The following STYXL1 variants were observed in gnomAD, a reference collection of about 807,000 sequenced individuals.
STYXL1 encodes the protein serine/threonine/tyrosine interacting like 1, also known as serine/threonine/tyrosine-interacting-like protein 1.
A neutral mutation model predicts 36.4 loss-of-function variants in STYXL1; 32 were observed. That is an observed-to-expected ratio of 0.88 (90% CI 0.66 to 1.18). The LOEUF is 1.18. Ranked by LOEUF, STYXL1 falls within the 50% of genes most tolerant of loss-of-function variation. STYXL1 has a pLI of 0.00. For missense variants in STYXL1, 354 were observed against 394.1 expected, an observed-to-expected ratio of 0.90 and a Z score of 0.86; for synonymous variants, 133 against 144.1, an observed-to-expected ratio of 0.92 and a Z score of 0.55.
intron 6 of STYXL1, among the ~76,000 whole-genome samples, chr7:76,004,080 A>T (rs1405083196): frequency 1.3e-5 from 2 of 152,060 alleles, no homozygotes; most frequent in Non-Finnish European, 2.9e-5. Context: ...AGGATCACAT[A>T]GCGAGACCCT....
chr7:75,999,003 T>C (rs927935141), intron 8 of STYXL1: 14 of 152,830 alleles, frequency 9.2e-5, no homozygotes, highest in Non-Finnish European at 1.6e-4. Flanking sequence ...AATTGAGTGG[T>C]GGCAGATGCC....
At chr7:76,025,659 G>A (rs113570449) in intron 3 of STYXL1, among the ~76,000 whole-genome samples, 28,691 of 151,892 alleles carry the variant, frequency 0.19, 2,996 homozygotes, top group East Asian at 0.29. Context: ...GTGTGGTGGC[G>A]GGTGCCTGTA....
rs782681812 is a variant in STYXL1 at position 75,996,471 on chromosome 7, G to GT, written c.938dup (p.Tyr313Ter). ...DSITNIMDPLY is the reference protein window; with the variant it reads ...DSITNIMDPL ...CTTCGGTGGGCCTCGGAGAAGATCAGTAGAGCGGATCCATGATGTTTGTGA... is the reference window on the plus strand; with the variant it reads ...CTTCGGTGGGCCTCGGAGAAGATCAGTTAGAGCGGATCCATGATGTTTGTGA... Residue 313 changes from tyrosine (Y) to a stop codon, truncating the protein, a stop_gained and frameshift_variant, in exon 9 of 9, where the codon TAC (tyrosine) becomes TAAC (stop). Transcript: ENST00000359697. LOFTEE classifies it high-confidence loss of function. 1.2e-6 allele frequency: 2 copies of GT among 1,614,086 alleles called. No homozygotes were observed. The highest frequency in any genetic ancestry group is 2.7e-5 in the African/African-American group (2 of 74,932).
chr7:76,030,396 C>G lies in STYXL1; in HGVS notation c.103+25G>C, dbSNP rs368022189. 5 of 1,554,898 alleles carry G rather than the reference C, an allele frequency of 3.2e-6. No individual in the cohort carries two copies. In the African/African-American group the frequency reaches 6.8e-5, roughly 21 times the overall value. ...GTTTGAAGGACACTGTGTTTGACCT[C>G]CTCCGCTTTTTTCCAAGTACTTACC... On this transcript the variant is annotated intron_variant, in intron 2 of 8. Transcript: ENST00000359697.
chr7:76,023,588 G>GT (rs1401605069), intron 3 of STYXL1, among the ~76,000 whole-genome samples: 3 of 152,004 alleles, frequency 2.0e-5, no homozygotes, highest in Non-Finnish European at 2.9e-5. Context: ...AAAGCCGGGT[G>GT]TGGGAGGGTG....
chr7:76,039,251 G>C lies in STYXL1; in HGVS notation c.-5+8411C>G, dbSNP rs958471526. 5.4e-5 allele frequency among the ~76,000 whole-genome samples: 8 copies of C among 148,580 alleles called. 1 individual carries two copies. Among genetic ancestry groups the C allele is most frequent in the Non-Finnish European group, 8.8e-5 (6 of 67,904 alleles). Reference sequence around the variant, plus strand: ...GCACCCGGCCAACTAATTTTTTTTAGTTTCTGTAGAGTCAGGGTTCCACTA... The same window carrying C: ...GCACCCGGCCAACTAATTTTTTTTACTTTCTGTAGAGTCAGGGTTCCACTA... On this transcript the variant is annotated intron_variant, in intron 1 of 8. Coordinates refer to ENST00000359697, the MANE Select transcript of STYXL1 (RefSeq NM_001317785.2).
intron 4 of STYXL1, among the ~76,000 whole-genome samples, chr7:76,016,126 A>G (rs1793278174): frequency 6.6e-6 from 1 of 152,032 alleles, no homozygotes; most frequent in African/African-American, 2.4e-5. Context: ...ATACACACAC[A>G]TATATCTATA....
At chr7:76,021,553 T>C (rs1343810695) in intron 4 of STYXL1, among the ~76,000 whole-genome samples, 1 of 152,156 alleles carries the variant, frequency 6.6e-6, no homozygotes, top group Admixed American at 6.6e-5. Flanking sequence ...TTCCACGTCC[T>C]GATTATTTCA....
At position 76,000,872 on chromosome 7, in the gene STYXL1, G is replaced by A. The variant is rs2116743564; in HGVS notation, c.810+18C>T. On this transcript the variant is annotated intron_variant, in intron 8 of 8. Transcript: ENST00000359697. ...CAGGGGGTGGCCGTGGTGCGAGCCT[G>A]GCCCGGGGAACGCATACCTGCAAGG... 6.2e-7 allele frequency: 1 copy of A among 1,609,588 alleles called. No individual in the cohort carries two copies. The highest frequency in any genetic ancestry group is 8.5e-7 in the Non-Finnish European group (1 of 1,175,872).
At chr7:76,012,720 C>T (rs1554572550) in intron 5 of STYXL1, among the ~76,000 whole-genome samples, 1 of 151,770 alleles carries the variant, frequency 6.6e-6, no homozygotes, top group African/African-American at 2.4e-5. Context: ...TTTGTAGAGA[C>T]AAGGTCTCAC....
chr7:76,020,990 C>A (rs1023852153), intron 4 of STYXL1, among the ~76,000 whole-genome samples: 8 of 152,186 alleles, frequency 5.3e-5, no homozygotes, highest in Non-Finnish European at 1.2e-4. Flanking sequence ...CAGCATTCAT[C>A]ACTAAGTCAC....
chr7:76,006,580 G>A (rs576047868), intron 5 of STYXL1, among the ~76,000 whole-genome samples: 88 of 152,040 alleles, frequency 5.8e-4, no homozygotes, highest in South Asian at 1.2e-3. Context: ...TGGCTAACAC[G>A]GTGAAACCTC....
chr7:76,010,231 C>T (rs1352994696), intron 5 of STYXL1, among the ~76,000 whole-genome samples: 1 of 150,364 alleles, frequency 6.7e-6, no homozygotes, highest in Non-Finnish European at 1.5e-5. Context: ...ATTAAACTGC[C>T]CTGGCTTATA....
chr7:76,028,040 T>C (rs933210082), intron 3 of STYXL1, among the ~76,000 whole-genome samples: 4 of 151,884 alleles, frequency 2.6e-5, no homozygotes, highest in African/African-American at 9.7e-5. Context: ...CCAGGAGATA[T>C]ATATATATTT....
chr7:76,005,846 GAGAGAGGAGGAGAGAGGAGGA>G (rs1563467747), intron 5 of STYXL1, among the ~76,000 whole-genome samples: 899 of 25,756 alleles, frequency 0.035, 6 homozygotes, highest in Middle Eastern at 0.18. Flanking sequence ...GGAGGAGGAA[GAGAGAGGAGGAGAGAGGAGGA>G]AGAGAGAGGA....
At chr7:76,005,846 GAGAGAGGAGGAGA>G (rs1563467736) in intron 5 of STYXL1, among the ~76,000 whole-genome samples, 1 of 25,702 alleles carries the variant, frequency 3.9e-5, no homozygotes, top group African/African-American at 1.3e-4. Context: ...GGAGGAGGAA[GAGAGAGGAGGAGA>G]GAGGAGGAAG....
intron 6 of STYXL1, 33 bp from the exon 7 acceptor site, chr7:76,003,888 G>A (rs372229811): frequency 1.3e-6 from 2 of 1,589,516 alleles, no homozygotes; most frequent in African/African-American, 2.7e-5. Flanking sequence ...TCATCAGGTG[G>A]AATGCAGAAT....
At chr7:76,035,373 G>C (rs189338491) in intron 1 of STYXL1, among the ~76,000 whole-genome samples, 1 of 130,962 alleles carries the variant, frequency 7.6e-6, no homozygotes, top group Non-Finnish European at 1.8e-5. Context: ...TTATTTGCTT[G>C]TTTATTGTCT....
intron 6 of STYXL1, 116 bp from the exon 7 acceptor site, chr7:76,003,971 G>A: frequency 1.1e-6 from 1 of 872,732 alleles, no homozygotes; most frequent in East Asian, 2.7e-5. Context: ...TGTGTAAGGG[G>A]GAATGTGCAC....
Sources: gnomAD v4.1 joint callset for allele counts (sites outside exome capture counted in the v4.1 genomes callset) on GRCh38, gnomAD v4.1.1 for gene constraint, MANE v1.5 for transcripts, NCBI Gene and HGNC (gene_info 2026-07-23, HGNC 2026-07-21) for gene names.